Variants in ERICH6B observed in about 807,000 individuals in gnomAD.
ERICH6B encodes the protein glutamate-rich protein 6B.
A neutral mutation model predicts 80.0 loss-of-function variants in ERICH6B; 69 were observed. That is an observed-to-expected ratio of 0.86 (90% CI 0.71 to 1.05). The LOEUF (loss-of-function observed/expected upper bound fraction) is 1.05. Among genes scored for constraint, ERICH6B ranks in the 50% least tolerant of loss-of-function variants. The probability of loss-of-function intolerance (pLI) is 0.00; values close to 1 mark genes in which losing one functional copy is unlikely to be tolerated. For synonymous variants in ERICH6B, 283 were observed against 291.9 expected (o/e 0.97, Z 0.31); for missense variants, 754 against 796.1 (o/e 0.95, Z 0.64).
chr13:45,606,522 TATATATATATATATA>T (rs1949863009), intron 2 of ERICH6B, among the ~76,000 whole-genome samples: 1 of 32,160 alleles, frequency 3.1e-5, no homozygotes, highest in Non-Finnish European at 5.2e-5. Context: ...TATATATATA[TATATATATATATATA>T]TATATATATA....
rs375257192 is a variant in ERICH6B, at chr13:45,596,578, T to G, written c.428A>C (p.Glu143Ala). ...HLEEEEYLGK[E>A]GYLEKEDYIE... Reference sequence around the variant, plus strand: ...ATAATCTTCCTTCTCCAGATACCCTTCCTTCCCCAGATACTCTTCCTCCTC... The same window carrying G: ...ATAATCTTCCTTCTCCAGATACCCTGCCTTCCCCAGATACTCTTCCTCCTC... Residue 143 changes from glutamate to alanine, a missense_variant, in exon 3 of 15, where the codon GAA (glutamate) becomes GCA (alanine). Transcript: ENST00000298738. The G allele has an allele frequency of 4.2e-4, 643 of 1,546,454 alleles. 3 individuals are homozygous for G. In the African/African-American group the frequency reaches 7.9e-3, roughly 19 times the overall value.
Position 45,550,057 on chromosome 13 carries a change from T to G in ERICH6B, c.1494-12A>C, listed in dbSNP as rs1477381969. Reference sequence around the variant, plus strand: ...TTCCTGATGGATAACTGGGAGAAGGTTAAGGCACAAGTAGTCAGTCCTTGG... The same window carrying G: ...TTCCTGATGGATAACTGGGAGAAGGGTAAGGCACAAGTAGTCAGTCCTTGG... On this transcript the variant is annotated splice_polypyrimidine_tract_variant and intron_variant, in intron 12 of 14. Transcript: ENST00000298738. The G allele has an allele frequency of 6.4e-7, 1 of 1,551,224 alleles. No individual in the cohort carries two copies. The highest frequency in any genetic ancestry group is 2.0e-5 in the Admixed American group (1 of 50,982).
At chr13:45,613,300 G>A (rs747464712) in intron 1 of ERICH6B, among the ~76,000 whole-genome samples, 14 of 152,118 alleles carry the variant, frequency 9.2e-5, no homozygotes, top group Non-Finnish European at 1.9e-4. Flanking sequence ...CATAAACCTC[G>A]GAGACCCTGT....
intron 11 of ERICH6B, among the ~76,000 whole-genome samples, chr13:45,555,619 C>G (rs1874406318): frequency 6.6e-6 from 1 of 152,138 alleles, no homozygotes; most frequent in South Asian, 2.1e-4. Context: ...CCTGGCTTCA[C>G]TTCTTGTCCA....
rs956071105 is a variant in ERICH6B at position 45,615,357 on chromosome 13, T to TC, written c.-111+327dup. On this transcript the variant is annotated intron_variant, in intron 1 of 14. Coordinates refer to ENST00000298738, the MANE Select transcript of ERICH6B (RefSeq NM_182542.3). ...AAGTCATAGTATCCACACTCGCACT[T>TC]CCCCCCAGAGCTAGGGGCTCTCTGG... 5.9e-5 allele frequency among the ~76,000 whole-genome samples: 9 copies of TC among 152,054 alleles called. 1 individual carries two copies. Among genetic ancestry groups the TC allele is most frequent in the Admixed American group, 2.0e-4 (3 of 15,256 alleles).
At chr13:45,563,926 G>A in intron 9 of ERICH6B, 138 bp from the exon 10 acceptor site, 2 of 685,300 alleles carry the variant, frequency 2.9e-6, no homozygotes, top group Non-Finnish European at 5.0e-6. Flanking sequence ...TGCTTTCTAG[G>A]CCAGCTTTCT....
At chr13:45,568,272 C>A in intron 9 of ERICH6B, 43 bp downstream of exon 9, 1 of 1,490,348 alleles carries the variant, frequency 6.7e-7, no homozygotes, top group Non-Finnish European at 8.9e-7. Context: ...CTCTGGCATA[C>A]CCAAATCCAC....
chr13:45,549,856 TG>T (rs1355801220), intron 13 of ERICH6B, 36 bp downstream of exon 13: 4 of 1,535,404 alleles, frequency 2.6e-6, no homozygotes, highest in Admixed American at 4.0e-5. Flanking sequence ...TGCTTCTCCA[TG>T]GGCAGGAGTG....
intron 7 of ERICH6B, among the ~76,000 whole-genome samples, chr13:45,576,154 GCTC>G (rs1238563908): frequency 1.3e-5 from 2 of 152,182 alleles, no homozygotes; most frequent in African/African-American, 4.8e-5. Flanking sequence ...ACTCCTTTGG[GCTC>G]CTCCTGGGAT....
intron 1 of ERICH6B, among the ~76,000 whole-genome samples, chr13:45,608,691 A>T (rs1949883060): frequency 1.3e-5 from 2 of 152,242 alleles, no homozygotes; most frequent in Non-Finnish European, 2.9e-5. Context: ...TTAAGAAGGA[A>T]ATAAAAGCAT....
chr13:45,577,256 T>C (rs942257646), intron 7 of ERICH6B, among the ~76,000 whole-genome samples: 6 of 148,900 alleles, frequency 4.0e-5, no homozygotes, highest in Non-Finnish European at 8.9e-5. Flanking sequence ...TGTCTTCTCC[T>C]GGACTGATTA....
intron 7 of ERICH6B, among the ~76,000 whole-genome samples, chr13:45,575,391 A>G (rs372885338): frequency 1.2e-4 from 19 of 152,320 alleles, no homozygotes; most frequent in African/African-American, 4.6e-4. Context: ...TAGAGCAGAC[A>G]TGAAGTTGCA....
intron 2 of ERICH6B, among the ~76,000 whole-genome samples, chr13:45,606,537 ATATATATATATTTTTTTTTT>A (rs1294304787): frequency 1.2e-3 from 16 of 12,916 alleles, no homozygotes; most frequent in South Asian, 3.2e-3. Flanking sequence ...ATATATATAT[ATATATATATATTTTTTTTTT>A]TTTTTTTTTT....
At chr13:45,579,157 C>A (rs140735336) in intron 7 of ERICH6B, among the ~76,000 whole-genome samples, 1 of 152,166 alleles carries the variant, frequency 6.6e-6, no homozygotes, top group Non-Finnish European at 1.5e-5. Context: ...CTCTAAAATG[C>A]CCATGGAAAT....
At chr13:45,553,184 C>G (rs1874294828) in intron 11 of ERICH6B, 1 of 230,332 alleles carries the variant, frequency 4.3e-6, no homozygotes, top group Non-Finnish European at 8.8e-6. Flanking sequence ...CATGAGTTTC[C>G]TTTCTGTTCT....
At chr13:45,596,050 T>C (rs1566303303) in intron 3 of ERICH6B, among the ~76,000 whole-genome samples, 1 of 152,246 alleles carries the variant, frequency 6.6e-6, no homozygotes, top group East Asian at 1.9e-4. Flanking sequence ...AGGTGCTTTA[T>C]GTTTATGAAG....
intron 1 of ERICH6B, among the ~76,000 whole-genome samples, chr13:45,613,617 G>C (rs1949911801): frequency 6.6e-6 from 1 of 152,198 alleles, no homozygotes; most frequent in South Asian, 2.1e-4. Context: ...TATGGATATA[G>C]AGCTGAGAGG....
chr13:45,586,801 G>A (rs967936947), intron 5 of ERICH6B, among the ~76,000 whole-genome samples: 5 of 152,212 alleles, frequency 3.3e-5, no homozygotes, highest in Admixed American at 3.3e-4. Flanking sequence ...GAGACGGAAA[G>A]ATGGAAGAAG....
In ERICH6B at chr13:45,596,421, C is replaced by T. The variant is rs1876371009; in HGVS notation, c.585G>A (p.Glu195=). 1 of 1,551,960 alleles carries T rather than the reference C, an allele frequency of 6.4e-7. No homozygotes were observed. Among genetic ancestry groups the T allele is most frequent in the South Asian group, 1.2e-5 (1 of 84,042 alleles). Residue 195 remains glutamate (E), a synonymous_variant, in exon 3 of 15, where the codon GAG becomes GAA. Coordinates refer to ENST00000298738, the MANE Select transcript of ERICH6B (RefSeq NM_182542.3). The part of the protein sequence containing the change: ...EENLEEEEAL[E]KEENLDGKEN... ...CTTTTCCATCCAGATTCTCTTCCTT[C>T]TCCAGAGCTTCTTCCTCCTCCAGAT...
Sources: gnomAD v4.1 joint callset for allele counts (sites outside exome capture counted in the v4.1 genomes callset) on GRCh38, gnomAD v4.1.1 for gene constraint, MANE v1.5 for transcripts, NCBI Gene and HGNC (gene_info 2026-07-23, HGNC 2026-07-21) for gene names.